IQGAP2: variants seen among roughly 807,000 people sequenced by gnomAD.
IQGAP2 encodes the protein ras GTPase-activating-like protein IQGAP2.
In IQGAP2, 173 loss-of-function variants were observed where a neutral mutation model predicts 201.3. The ratio of observed to expected loss-of-function variants is 0.86; its 90% CI spans 0.76 to 0.98. The LOEUF is 0.98. Among genes scored for constraint, IQGAP2 ranks in the 50% least tolerant of loss-of-function variants. The pLI is 0.00. For missense variants in IQGAP2, 1,687 were observed against 1,864.8 expected (o/e 0.90, Z 1.76); for synonymous variants, 675 against 673.9 (o/e 1.00, Z -0.03).
chr5:76,465,478 A>G (rs1038379881), intron 2 of IQGAP2, among the ~76,000 whole-genome samples: 1 of 152,222 alleles, frequency 6.6e-6, no homozygotes, highest in Non-Finnish European at 1.5e-5. Context: ...AGGAATAAGG[A>G]TGTTTTTTCT....
At position 76,637,030 on chromosome 5, in the gene IQGAP2, TTAGTGTC is replaced by T; in HGVS notation, c.1783_1789del (p.Ser595ThrfsTer53). The T allele has an allele frequency of 1.3e-6, 2 of 1,591,500 alleles. No individual in the cohort carries two copies. The highest frequency in any genetic ancestry group is 1.7e-6 in the Non-Finnish European group (2 of 1,170,926). On this transcript the variant is annotated splice_acceptor_variant and splice_polypyrimidine_tract_variant and coding_sequence_variant and intron_variant, in exon 16 of 36. Transcript: ENST00000274364. LOFTEE classifies it high-confidence loss of function. Reference sequence around the variant, plus strand: ...TGTAGAATTTAACAAACTTTTTTCTTTAGTGTCTAGTGACGGTTCATGGCTCAAACTC... The same window carrying T: ...TGTAGAATTTAACAAACTTTTTTCTTTAGTGACGGTTCATGGCTCAAACTC...
chr5:76,535,615 G>A (rs1423810340), intron 2 of IQGAP2, among the ~76,000 whole-genome samples: 2 of 152,226 alleles, frequency 1.3e-5, no homozygotes, highest in Non-Finnish European at 2.9e-5. Flanking sequence ...GCTTGAGTCA[G>A]TCCCTGAGAA....
chr5:76,619,873 T>A (rs1442597843), intron 13 of IQGAP2, among the ~76,000 whole-genome samples: 1 of 151,978 alleles, frequency 6.6e-6, no homozygotes. Flanking sequence ...TCAAATATAA[T>A]CATAACAGTC....
At chr5:76,517,704 A>G (rs183305154) in intron 2 of IQGAP2, among the ~76,000 whole-genome samples, 1 of 152,236 alleles carries the variant, frequency 6.6e-6, no homozygotes, top group Admixed American at 6.5e-5. Context: ...AATTGGGAAG[A>G]GAGTTGGGTA....
intron 1 of IQGAP2, among the ~76,000 whole-genome samples, chr5:76,423,535 C>T (rs59428516): frequency 2.6e-5 from 4 of 152,036 alleles, no homozygotes; most frequent in African/African-American, 4.8e-5. Context: ...GCAGGAGAAT[C>T]GCTTGAACCT....
rs577242354 is a variant in IQGAP2 at position 76,690,125 on chromosome 5, G to A, written c.3906-3230G>A. 7.2e-4 allele frequency among the ~76,000 whole-genome samples: 110 copies of A among 152,242 alleles called. 1 individual carries two copies. The highest frequency in any genetic ancestry group is 1.6e-3 in the Admixed American group (24 of 15,292). Reference sequence around the variant, plus strand: ...TCTTACATATTTGAAGAGCCCTGGCGCCAGTACTCTAAGCAGTTGATTTAT... The same window carrying A: ...TCTTACATATTTGAAGAGCCCTGGCACCAGTACTCTAAGCAGTTGATTTAT... On this transcript the variant is annotated intron_variant, in intron 30 of 35. Coordinates refer to ENST00000274364, the MANE Select transcript of IQGAP2 (RefSeq NM_006633.5).
At chr5:76,631,781 C>T (rs3797409) in intron 14 of IQGAP2, 78 bp from the exon 15 acceptor site, 379,352 of 1,079,314 alleles carry the variant, frequency 0.35, 67,547 homozygotes, top group East Asian at 0.39. Flanking sequence ...ATTCCTAAAA[C>T]GTTGAATTAT....
chr5:76,705,845 G>A (rs1281500749), intron 35 of IQGAP2, among the ~76,000 whole-genome samples: 2 of 152,214 alleles, frequency 1.3e-5, no homozygotes, highest in Non-Finnish European at 2.9e-5. Context: ...GACAGCTCAG[G>A]AATTATATCT....
At chr5:76,463,172 A>G (rs903721081) in intron 2 of IQGAP2, among the ~76,000 whole-genome samples, 1 of 151,880 alleles carries the variant, frequency 6.6e-6, no homozygotes, top group Non-Finnish European at 1.5e-5. Flanking sequence ...AAGAAAAGAA[A>G]AAATATACTT....
At chr5:76,487,786 C>T (rs1191182672) in intron 2 of IQGAP2, among the ~76,000 whole-genome samples, 1 of 152,200 alleles carries the variant, frequency 6.6e-6, no homozygotes, top group Non-Finnish European at 1.5e-5. Context: ...TGGCACAGCT[C>T]ACCTCCAGAA....
At chr5:76,699,201 A>G (rs1747033740) in intron 33 of IQGAP2, among the ~76,000 whole-genome samples, 1 of 152,286 alleles carries the variant, frequency 6.6e-6, no homozygotes, top group Admixed American at 6.5e-5. Flanking sequence ...TCCACATATA[A>G]GCGAGAACAT....
At chr5:76,617,995 C>G (rs1383521894) in intron 13 of IQGAP2, 2 of 1,613,952 alleles carry the variant, frequency 1.2e-6, no homozygotes, top group Admixed American at 3.3e-5. Context: ...TCTGGCTGAA[C>G]AAGATAATAT....
At chr5:76,605,524 C>G (rs1470033767) in intron 11 of IQGAP2, among the ~76,000 whole-genome samples, 20 of 152,112 alleles carry the variant, frequency 1.3e-4, no homozygotes, top group Admixed American at 1.3e-3. Context: ...TGGCTAGGAG[C>G]CTTTGGAGAA....
At chr5:76,633,888 T>G (rs1472370187) in intron 15 of IQGAP2, among the ~76,000 whole-genome samples, 1 of 152,194 alleles carries the variant, frequency 6.6e-6, no homozygotes, top group East Asian at 1.9e-4. Context: ...AATATTCCAT[T>G]GTATGAATAT....
At chr5:76,640,912 A>G (rs1395874159) in intron 16 of IQGAP2, 21 bp from the exon 17 acceptor site, 11 of 1,554,172 alleles carry the variant, frequency 7.1e-6, no homozygotes, top group Non-Finnish European at 9.7e-6. Flanking sequence ...AAGTGTAACC[A>G]TAAGAAATAT....
intron 23 of IQGAP2, among the ~76,000 whole-genome samples, chr5:76,671,460 G>A (rs192639017): frequency 1.3e-5 from 2 of 151,724 alleles, no homozygotes; most frequent in African/African-American, 4.8e-5. Flanking sequence ...AAGGCAGGTG[G>A]ATCACCTGAG....
intron 1 of IQGAP2, among the ~76,000 whole-genome samples, chr5:76,419,156 T>A (rs1216822117): frequency 6.6e-6 from 1 of 152,182 alleles, no homozygotes; most frequent in Non-Finnish European, 1.5e-5. Flanking sequence ...ATTTATTTAT[T>A]TGACGGGGTC....
At chr5:76,655,054 A>G (rs556184152) in intron 20 of IQGAP2, 51 bp downstream of exon 20, 389 of 1,320,022 alleles carry the variant, frequency 2.9e-4, no homozygotes, top group Non-Finnish European at 4.2e-4. Flanking sequence ...AAACCAGGCA[A>G]GGACATATTG....
At chr5:76,618,604 A>G in intron 13 of IQGAP2, 1 of 1,613,594 alleles carries the variant, frequency 6.2e-7, no homozygotes, top group East Asian at 2.2e-5. Flanking sequence ...TTAATGGGTA[A>G]GGTTGGCTTT....
Sources: allele counts gnomAD v4.1 joint callset (sites outside exome capture counted in the v4.1 genomes callset), GRCh38; gene constraint gnomAD v4.1.1; transcripts MANE v1.5; gene names NCBI Gene and HGNC (gene_info 2026-07-23, HGNC 2026-07-21).